SYNPR: variants seen among roughly 807,000 people sequenced by gnomAD.
SYNPR encodes the protein synaptoporin.
SYNPR carries 23 observed loss-of-function variants against 32.9 expected under a neutral mutation model. The ratio of observed to expected loss-of-function variants is 0.70; its 90% CI spans 0.50 to 0.99. SYNPR has a LOEUF of 0.99. SYNPR is among the 50% of genes least tolerant of loss of function. SYNPR has a pLI of 0.00. For missense variants in SYNPR, 318 were observed against 349.3 expected (o/e 0.91, Z 0.71); for synonymous variants, 146 against 135.9 (o/e 1.07, Z -0.52).
chr3:63,477,022 T>A (rs9838395), intron 2 of SYNPR, among the ~76,000 whole-genome samples: 63,078 of 151,768 alleles, frequency 0.42, 13,109 homozygotes, highest in East Asian at 0.49. Flanking sequence ...TTTAGAGAAG[T>A]GAAGTGATTT....
intron 2 of SYNPR, among the ~76,000 whole-genome samples, chr3:63,380,373 C>T (rs142337760): frequency 0.031 from 4,750 of 152,128 alleles, 259 homozygotes; most frequent in African/African-American, 0.11. Context: ...TTTTAGTGAT[C>T]GCCACTCTAA....
intron 2 of SYNPR, among the ~76,000 whole-genome samples, chr3:63,352,708 T>A (rs769553220): frequency 2.0e-4 from 31 of 151,764 alleles, no homozygotes; most frequent in Non-Finnish European, 3.2e-4. Flanking sequence ...AGGAAAGAGG[T>A]TTAATTGACT....
chr3:63,501,315 C>CA (rs1161203466), intron 3 of SYNPR, among the ~76,000 whole-genome samples: 2 of 151,788 alleles, frequency 1.3e-5, no homozygotes, highest in South Asian at 2.1e-4. Flanking sequence ...CTCGTCTTTA[C>CA]AAAAAATACA....
At chr3:63,260,882 A>G (rs1560171714) in intron 2 of SYNPR, among the ~76,000 whole-genome samples, 1 of 151,472 alleles carries the variant, frequency 6.6e-6, no homozygotes, top group Non-Finnish European at 1.5e-5. Flanking sequence ...CAAGAAAAAA[A>G]AAAACCATCA....
intron 2 of SYNPR, among the ~76,000 whole-genome samples, chr3:63,466,739 GGA>G (rs1421959771): frequency 1.3e-5 from 2 of 151,832 alleles, no homozygotes; most frequent in Non-Finnish European, 2.9e-5. Flanking sequence ...CTCAGCCTGT[GGA>G]GAGGGACAGA....
chr3:63,508,204 T>C (rs958953699), intron 3 of SYNPR, among the ~76,000 whole-genome samples: 19 of 152,090 alleles, frequency 1.2e-4, no homozygotes, highest in Non-Finnish European at 2.5e-4. Flanking sequence ...TCTGTGAGGA[T>C]TTTGTTCTTT....
intron 2 of SYNPR, among the ~76,000 whole-genome samples, chr3:63,389,280 T>A (rs1024494909): frequency 1.3e-5 from 2 of 151,328 alleles, no homozygotes; most frequent in East Asian, 3.9e-4. Context: ...GCATAAAAAA[T>A]ACCAAAACCA....
chr3:63,326,147 A>G (rs1332307301), intron 2 of SYNPR, among the ~76,000 whole-genome samples: 3 of 152,014 alleles, frequency 2.0e-5, no homozygotes, highest in African/African-American at 7.2e-5. Flanking sequence ...ATCTTATTTG[A>G]TCTTCACAGC....
intron 3 of SYNPR, among the ~76,000 whole-genome samples, chr3:63,538,231 A>T (rs1702242234): frequency 2.0e-5 from 3 of 152,130 alleles, no homozygotes; most frequent in Admixed American, 1.3e-4. Flanking sequence ...CACTATAAGT[A>T]AACAAAACAA....
intron 2 of SYNPR, among the ~76,000 whole-genome samples, chr3:63,351,033 T>C (rs1372721946): frequency 6.6e-6 from 1 of 152,188 alleles, no homozygotes; most frequent in Admixed American, 6.5e-5. Context: ...CATTATGCTT[T>C]CTTGCATTTT....
intron 2 of SYNPR, among the ~76,000 whole-genome samples, chr3:63,385,534 A>G (rs915543688): frequency 2.0e-5 from 3 of 152,246 alleles, no homozygotes; most frequent in African/African-American, 7.2e-5. Context: ...CTAATGAAAC[A>G]ATGGATATGA....
At chr3:63,615,164 T>A in intron 5 of SYNPR, 60 bp from the exon 6 acceptor site, 1 of 1,557,532 alleles carries the variant, frequency 6.4e-7, no homozygotes, top group East Asian at 2.3e-5. Context: ...TTTCCAAAAT[T>A]GAAATTTTTC....
chr3:63,529,019 C>G (rs1220776615), intron 3 of SYNPR, among the ~76,000 whole-genome samples: 3 of 152,234 alleles, frequency 2.0e-5, no homozygotes, highest in Admixed American at 1.3e-4. Flanking sequence ...TACAGCTATC[C>G]TCAGTCAAAC....
chr3:63,341,641 T>C (rs564284291), intron 2 of SYNPR, among the ~76,000 whole-genome samples: 1 of 152,376 alleles, frequency 6.6e-6, no homozygotes, highest in Non-Finnish European at 1.5e-5. Context: ...TTATTTGCCA[T>C]CTGTATAATT....
intron 2 of SYNPR, among the ~76,000 whole-genome samples, chr3:63,462,644 C>A (rs568054588): frequency 6.6e-6 from 1 of 152,228 alleles, no homozygotes; most frequent in African/African-American, 2.4e-5. Flanking sequence ...TGGGAAGATG[C>A]CCCTCCTAAA....
At chr3:63,318,021 T>G (rs1409023604) in intron 2 of SYNPR, among the ~76,000 whole-genome samples, 1 of 152,036 alleles carries the variant, frequency 6.6e-6, no homozygotes, top group Admixed American at 6.6e-5. Flanking sequence ...GATGCTTAGT[T>G]TTGCTGGATA....
intron 3 of SYNPR, among the ~76,000 whole-genome samples, chr3:63,510,660 A>T (rs1701679056): frequency 6.6e-6 from 1 of 152,180 alleles, no homozygotes; most frequent in Non-Finnish European, 1.5e-5. Flanking sequence ...TGAGTTTAAC[A>T]TATTAAAAAA....
intron 2 of SYNPR, among the ~76,000 whole-genome samples, chr3:63,471,495 A>T (rs910206506): frequency 2.0e-5 from 3 of 152,178 alleles, no homozygotes; most frequent in Non-Finnish European, 4.4e-5. Context: ...GAAAAATACG[A>T]TTATCAGTAG....
intron 2 of SYNPR, among the ~76,000 whole-genome samples, chr3:63,253,504 T>C (rs1258798618): frequency 6.6e-6 from 1 of 152,182 alleles, no homozygotes; most frequent in Non-Finnish European, 1.5e-5. Context: ...CAGCATTCTA[T>C]ATATTGTATT....
Sources: gnomAD v4.1 joint callset for allele counts (sites outside exome capture counted in the v4.1 genomes callset) on GRCh38, gnomAD v4.1.1 for gene constraint, MANE v1.5 for transcripts, NCBI Gene and HGNC (gene_info 2026-07-23, HGNC 2026-07-21) for gene names.